CA8: variants seen among roughly 807,000 people sequenced by gnomAD.
CA8 encodes the protein carbonic anhydrase-related protein.
In CA8, 22 loss-of-function variants were observed where a neutral mutation model predicts 41.4. The ratio of observed to expected loss-of-function variants is 0.53; its 90% CI spans 0.38 to 0.76. CA8 has a LOEUF of 0.76. Among genes scored for constraint, CA8 ranks in the 30% least tolerant of loss-of-function variants. The pLI is 0.00. For synonymous variants in CA8, 121 were observed against 130.6 expected (o/e 0.93, Z 0.50); for missense variants, 270 against 352.8 (o/e 0.77, Z 1.88).
intron 8 of CA8, among the ~76,000 whole-genome samples, chr8:60,191,012 A>G (rs1806114203): frequency 6.7e-6 from 1 of 150,008 alleles, no homozygotes; most frequent in South Asian, 2.1e-4. Flanking sequence ...ACATACAAAT[A>G]TATAGAATGT....
At chr8:60,274,360 G>C (rs927296301) in intron 2 of CA8, among the ~76,000 whole-genome samples, 3 of 152,174 alleles carry the variant, frequency 2.0e-5, no homozygotes, top group Non-Finnish European at 2.9e-5. Flanking sequence ...GCGGCGGTAG[G>C]GGGGTGGTGC....
At chr8:60,211,022 A>G (rs13253763) in intron 7 of CA8, among the ~76,000 whole-genome samples, 55,817 of 152,102 alleles carry the variant, frequency 0.37, 10,706 homozygotes, top group Admixed American at 0.44. Context: ...AGAATATCAC[A>G]GTGAGGGCAG....
rs1409234143 is a variant in CA8 at position 60,189,621 on chromosome 8, C to T, written c.*400G>A. On this transcript the variant is annotated 3_prime_UTR_variant, in exon 9 of 9. Transcript: ENST00000317995. ...AAATGAGTGAATTTTCTGTTGGAGA[C>T]AGGAAATGAAGAACTACTAACACCG... The T allele has an allele frequency of 6.6e-6, 1 of 151,708 alleles. No homozygotes were observed. The highest frequency in any genetic ancestry group is 1.5e-5 in the Non-Finnish European group (1 of 67,770). The allele number at this position is 151,708 out of a possible 1,614,324, so 9.4% of individuals were successfully genotyped here.
chr8:60,218,771 C>T (rs1156937679), intron 7 of CA8, among the ~76,000 whole-genome samples: 1 of 152,080 alleles, frequency 6.6e-6, no homozygotes, highest in East Asian at 1.9e-4. Context: ...AAAGTAAATG[C>T]AGAGGAAAGT....
rs116776005 is a variant in CA8, at chr8:60,213,191, G to A, written c.739-4272C>T. Reference sequence around the variant, plus strand: ...CTCACTCTGTCATGACTCTTTAATCGATCTTTTCAATTTTTTTGAGGAAGA... The same window carrying A: ...CTCACTCTGTCATGACTCTTTAATCAATCTTTTCAATTTTTTTGAGGAAGA... On this transcript the variant is annotated intron_variant, in intron 7 of 8. Coordinates refer to ENST00000317995, the MANE Select transcript of CA8 (RefSeq NM_004056.6). Among the ~76,000 whole-genome samples, 1,496 of 152,028 alleles carry A rather than the reference G, an allele frequency of 9.8e-3. 24 individuals carry two copies. The highest frequency in any genetic ancestry group is 0.034 in the African/African-American group (1,400 of 41,474).
intron 8 of CA8, among the ~76,000 whole-genome samples, chr8:60,207,323 A>G (rs1388205583): frequency 6.6e-6 from 1 of 152,202 alleles, no homozygotes; most frequent in African/African-American, 2.4e-5. Context: ...ATCCATCAGA[A>G]CATTATATGA....
At chr8:60,233,718 T>TA (rs1199293012) in intron 3 of CA8, among the ~76,000 whole-genome samples, 7 of 152,258 alleles carry the variant, frequency 4.6e-5, no homozygotes, top group Non-Finnish European at 7.3e-5. Flanking sequence ...GGCCCAAGGT[T>TA]AAAATAAATT....
At chr8:60,229,012 G>C (rs1807542569) in intron 4 of CA8, among the ~76,000 whole-genome samples, 1 of 152,170 alleles carries the variant, frequency 6.6e-6, no homozygotes, top group African/African-American at 2.4e-5. Context: ...CAGCTGTTCA[G>C]ATAACACAAC....
At chr8:60,263,254 G>A (rs763401484) in intron 3 of CA8, among the ~76,000 whole-genome samples, 11 of 151,460 alleles carry the variant, frequency 7.3e-5, no homozygotes, top group East Asian at 1.9e-4. Context: ...ACTGGGAGGC[G>A]GAAGCTGCAG....
In CA8 at chr8:60,185,597, C is replaced by T. The variant is rs530208005; in HGVS notation, c.*4424G>A. ...AAGCAGAAACAGAAAAACGATTTGT[C>T]TTGTAGAAGGAAACCTCATTAAGCT... is the stretch of plus-strand genomic sequence containing the variant. On this transcript the variant is annotated 3_prime_UTR_variant, in exon 9 of 9. Coordinates refer to ENST00000317995, the MANE Select transcript of CA8 (RefSeq NM_004056.6). Among the ~76,000 whole-genome samples, 108 of 152,172 alleles carry T rather than the reference C, an allele frequency of 7.1e-4. No individual in the cohort carries two copies. Among genetic ancestry groups the T allele is most frequent in the African/African-American group, 2.4e-3 (100 of 41,552 alleles).
At chr8:60,193,268 G>C (rs946192313) in intron 8 of CA8, among the ~76,000 whole-genome samples, 1 of 152,046 alleles carries the variant, frequency 6.6e-6, no homozygotes, top group Non-Finnish European at 1.5e-5. Flanking sequence ...GATATATCAT[G>C]CATTGTATCA....
At position 60,265,602 on chromosome 8, in the gene CA8, C is replaced by T. The variant is rs113840826; in HGVS notation, c.417+323G>A. 3.3e-3 allele frequency: 1,074 copies of T among 325,422 alleles called. 13 individuals are homozygous for T. Among genetic ancestry groups the T allele is most frequent in the African/African-American group, 0.02 (949 of 46,300 alleles). The allele number at this position is 325,422 out of a possible 1,614,324, so 20.2% of individuals were successfully genotyped here. ...ACGGTTGCTTGTCTTCAGCTCGTCA[C>T]CTATCCAAAGCATCCACAAAAATGA... On this transcript the variant is annotated intron_variant, in intron 3 of 8. Coordinates refer to ENST00000317995, the MANE Select transcript of CA8 (RefSeq NM_004056.6).
chr8:60,247,438 T>C (rs1274800040), intron 3 of CA8, among the ~76,000 whole-genome samples: 1 of 152,164 alleles, frequency 6.6e-6, no homozygotes, highest in Non-Finnish European at 1.5e-5. Flanking sequence ...ATGGTGTGTG[T>C]TGTTCCCCTC....
intron 2 of CA8, among the ~76,000 whole-genome samples, chr8:60,275,920 A>G (rs1804217865): frequency 6.6e-6 from 1 of 152,246 alleles, no homozygotes; most frequent in African/African-American, 2.4e-5. Context: ...GGAAGCTTCA[A>G]GCAATGTAAT....
At chr8:60,249,747 G>T (rs1305205049) in intron 3 of CA8, among the ~76,000 whole-genome samples, 6 of 152,080 alleles carry the variant, frequency 3.9e-5, no homozygotes, top group Non-Finnish European at 5.9e-5. Flanking sequence ...AACTATGAAT[G>T]ATCATAAAAT....
chr8:60,208,455 T>C (rs1806717157), intron 8 of CA8: 1 of 377,630 alleles, frequency 2.6e-6, no homozygotes, highest in South Asian at 2.3e-5. Context: ...GAGGTATGCA[T>C]GCATGTCACT....
chr8:60,261,237 G>T lies in CA8; in HGVS notation c.417+4688C>A, dbSNP rs539657312. ...GGACTCTTCACAATTAAAGCATCTT[G>T]CCCTGTACAATGAATTTTTTTTCTA... On this transcript the variant is annotated intron_variant, in intron 3 of 8. Transcript: ENST00000317995. Among the ~76,000 whole-genome samples the T allele has an allele frequency of 4.1e-4, 62 of 152,224 alleles. No homozygotes were observed. In the Middle Eastern group the frequency reaches 0.01, roughly 25 times the overall value.
At chr8:60,243,898 T>C (rs1409122918) in intron 3 of CA8, among the ~76,000 whole-genome samples, 2 of 152,214 alleles carry the variant, frequency 1.3e-5, no homozygotes, top group African/African-American at 4.8e-5. Flanking sequence ...GCTGTTCTTA[T>C]CTACTCACAT....
intron 7 of CA8, among the ~76,000 whole-genome samples, chr8:60,212,205 T>C (rs1806859873): frequency 6.6e-6 from 1 of 152,196 alleles, no homozygotes; most frequent in Admixed American, 6.5e-5. Context: ...CTTCACTGCC[T>C]CAAAAACCAA....
Sources: gnomAD v4.1 joint callset for allele counts (sites outside exome capture counted in the v4.1 genomes callset) on GRCh38, gnomAD v4.1.1 for gene constraint, MANE v1.5 for transcripts, NCBI Gene and HGNC (gene_info 2026-07-23, HGNC 2026-07-21) for gene names.